NALF1: variants seen among roughly 807,000 people sequenced by gnomAD.
The protein encoded by NALF1 is NALCN channel auxiliary factor 1.
A neutral mutation model predicts 48.4 loss-of-function variants in NALF1; 3 were observed. The observed-to-expected ratio is 0.06, with a 90% CI of 0.03 to 0.16. The LOEUF (loss-of-function observed/expected upper bound fraction) is 0.16. Among genes scored for constraint, NALF1 ranks in the 10% least tolerant of loss-of-function variants. The probability of loss-of-function intolerance (pLI) is 1.00; values close to 1 mark genes in which losing one functional copy is unlikely to be tolerated. For missense variants in NALF1, 526 were observed against 571.5 expected (o/e 0.92, Z 0.81); for synonymous variants, 262 against 245.7 (o/e 1.07, Z -0.62).
intron 1 of NALF1, among the ~76,000 whole-genome samples, chr13:107,646,906 T>C (rs1033536197): frequency 6.6e-6 from 1 of 152,092 alleles, no homozygotes; most frequent in African/African-American, 2.4e-5. Context: ...TGATTTGTAT[T>C]TACATAATAT....
chr13:107,176,774 C>T (rs2138769761), intron 2 of NALF1, among the ~76,000 whole-genome samples: 1 of 152,104 alleles, frequency 6.6e-6, no homozygotes, highest in South Asian at 2.1e-4. Flanking sequence ...AATTCATTAT[C>T]AGGGGAATTC....
chr13:107,707,224 G>A (rs920148583), intron 1 of NALF1, among the ~76,000 whole-genome samples: 24 of 152,124 alleles, frequency 1.6e-4, no homozygotes, highest in African/African-American at 5.1e-4. Flanking sequence ...GCCCGGCCAA[G>A]GGCATTCTTA....
intron 1 of NALF1, among the ~76,000 whole-genome samples, chr13:107,537,368 C>G (rs576571479): frequency 1.3e-5 from 2 of 152,054 alleles, no homozygotes; most frequent in African/African-American, 2.4e-5. Context: ...TAATATTTAG[C>G]TTTACTAATA....
intron 1 of NALF1, among the ~76,000 whole-genome samples, chr13:107,447,125 T>C (rs947538074): frequency 2.6e-5 from 4 of 152,186 alleles, no homozygotes; most frequent in Admixed American, 2.6e-4. Flanking sequence ...GCTAAGCTGG[T>C]TAAGGCCGGA....
chr13:107,417,287 C>A (rs7993406), intron 1 of NALF1, among the ~76,000 whole-genome samples: 40,135 of 152,082 alleles, frequency 0.26, 5,344 homozygotes, highest in Middle Eastern at 0.29. Flanking sequence ...GTGCTTTTCA[C>A]TATTGACTCA....
At chr13:107,311,617 A>C (rs1170392280) in intron 1 of NALF1, among the ~76,000 whole-genome samples, 1 of 151,744 alleles carries the variant, frequency 6.6e-6, no homozygotes, top group Admixed American at 6.6e-5. Context: ...AGAGTTTCCC[A>C]AAAACTATTC....
intron 1 of NALF1, among the ~76,000 whole-genome samples, chr13:107,718,103 C>T (rs1875875560): frequency 6.6e-6 from 1 of 152,098 alleles, no homozygotes; most frequent in Non-Finnish European, 1.5e-5. Context: ...TCCCTCATCC[C>T]GAGGCGAGAG....
chr13:107,800,003 A>G (rs996039111), intron 1 of NALF1, among the ~76,000 whole-genome samples: 1 of 147,112 alleles, frequency 6.8e-6, no homozygotes, highest in African/African-American at 2.5e-5. Context: ...GGATGAAGAA[A>G]AGGAAGAAAG....
At chr13:107,376,157 T>G (rs1883333543) in intron 1 of NALF1, among the ~76,000 whole-genome samples, 1 of 152,102 alleles carries the variant, frequency 6.6e-6, no homozygotes, top group Admixed American at 6.5e-5. Flanking sequence ...GCCAACAACA[T>G]CAGAACTTTG....
chr13:107,483,214 C>T (rs1315329013), intron 1 of NALF1, among the ~76,000 whole-genome samples: 1 of 152,124 alleles, frequency 6.6e-6, no homozygotes, highest in Admixed American at 6.6e-5. Context: ...GTATGACCAG[C>T]AAAATGAATG....
intron 1 of NALF1, among the ~76,000 whole-genome samples, chr13:107,528,887 G>T (rs1876529484): frequency 6.6e-6 from 1 of 152,082 alleles, no homozygotes; most frequent in African/African-American, 2.4e-5. Context: ...AGAAACAAAA[G>T]CACAATGAAA....
intron 1 of NALF1, among the ~76,000 whole-genome samples, chr13:107,698,910 G>T (rs1392981224): frequency 1.3e-5 from 2 of 152,062 alleles, no homozygotes; most frequent in Non-Finnish European, 2.9e-5. Flanking sequence ...TCAGCATTGG[G>T]AATATCAGAG....
chr13:107,299,690 T>C (rs1881802330), intron 1 of NALF1, among the ~76,000 whole-genome samples: 1 of 63,304 alleles, frequency 1.6e-5, no homozygotes, highest in Non-Finnish European at 5.3e-5. Context: ...CCTTATTTAT[T>C]TATTTATTTA....
chr13:107,773,155 T>C (rs1877626088), intron 1 of NALF1, among the ~76,000 whole-genome samples: 1 of 152,166 alleles, frequency 6.6e-6, no homozygotes. Context: ...TGGCCATGTG[T>C]TGTTAGAAGC....
chr13:107,620,208 C>T (rs949797366), intron 1 of NALF1, among the ~76,000 whole-genome samples: 4 of 152,094 alleles, frequency 2.6e-5, no homozygotes, highest in Admixed American at 2.0e-4. Context: ...CACATCAGAA[C>T]CACAATTTGA....
intron 1 of NALF1, among the ~76,000 whole-genome samples, chr13:107,783,600 C>T (rs1476851498): frequency 6.6e-6 from 1 of 152,068 alleles, no homozygotes; most frequent in Non-Finnish European, 1.5e-5. Context: ...GTGCTGTGTC[C>T]ACTCAGGGTT....
intron 1 of NALF1, among the ~76,000 whole-genome samples, chr13:107,289,569 T>C (rs1426671756): frequency 6.6e-6 from 1 of 152,170 alleles, no homozygotes; most frequent in Admixed American, 6.5e-5. Flanking sequence ...ATACAGTACA[T>C]ATATTGGGAA....
intron 1 of NALF1, among the ~76,000 whole-genome samples, chr13:107,726,398 T>C (rs1876151105): frequency 6.6e-6 from 1 of 152,134 alleles, no homozygotes; most frequent in African/African-American, 2.4e-5. Context: ...AATTATATTA[T>C]GCTGTCTCAC....
intron 1 of NALF1, among the ~76,000 whole-genome samples, chr13:107,622,951 T>C (rs1307468286): frequency 2.0e-5 from 3 of 152,180 alleles, no homozygotes; most frequent in East Asian, 1.9e-4. Flanking sequence ...CCATATAAAA[T>C]TGTGGAGCTA....
Sources: allele counts gnomAD v4.1 joint callset (sites outside exome capture counted in the v4.1 genomes callset), GRCh38; gene constraint gnomAD v4.1.1; transcripts MANE v1.5; gene names NCBI Gene and HGNC (gene_info 2026-07-23, HGNC 2026-07-21).